GTF2F1: variants seen among roughly 807,000 people sequenced by gnomAD.
GTF2F1 encodes general transcription factor IIF 74 kDa subunit.
A neutral mutation model predicts 63.5 loss-of-function variants in GTF2F1; 39 were observed. The observed-to-expected ratio is 0.61, with a 90% CI of 0.48 to 0.80. The LOEUF (loss-of-function observed/expected upper bound fraction) is 0.80, where lower values mean the gene tolerates loss of function less well. Among genes scored for constraint, GTF2F1 ranks in the 30% least tolerant of loss-of-function variants. The pLI, the probability that GTF2F1 is intolerant of heterozygous loss-of-function variation, is 0.00. For synonymous variants in GTF2F1, 287 were observed against 285.3 expected (o/e 1.01, Z -0.06); for missense variants, 657 against 718.3 (o/e 0.91, Z 0.97).
At position 6,381,557 on chromosome 19, in the gene GTF2F1, TG is replaced by T. The variant is rs1435229288; in HGVS notation, c.894del (p.Lys299ArgfsTer116). 1 of 1,613,182 alleles carries T rather than the reference TG, an allele frequency of 6.2e-7. No individual in the cohort carries two copies. The highest frequency in any genetic ancestry group is 1.1e-5 in the South Asian group (1 of 91,088). ...GGCCCGCCCAGCCATCGCCTACCCT[TG>T]GGCCCCTCCTCCTGCTGCGGCGCCT... ...KAKAPQQEEG[P>X]KGVDEQSDSS... On this transcript the variant is annotated frameshift_variant, in exon 8 of 13. Coordinates refer to ENST00000394456, the MANE Select transcript of GTF2F1 (RefSeq NM_002096.3). LOFTEE classifies it high-confidence loss of function. The surrounding 1 kb of genome is among the most constrained non-coding windows in gnomAD (Gnocchi z 4.1).
chr19:6,385,852 G>A (rs149966441), intron 5 of GTF2F1, among the ~76,000 whole-genome samples: 1,662 of 152,246 alleles, frequency 0.011, 31 homozygotes, highest in African/African-American at 0.037. Flanking sequence ...TTGGGAGGCC[G>A]AGGCAGGCAG....
At position 6,380,832 on chromosome 19, in the gene GTF2F1, G is replaced by A. The variant is rs1340171101; in HGVS notation, c.1231+72C>T. The stretch of plus-strand genomic sequence containing the variant: ...CCACCCGCATCTCCATCCCCTCTCT[G>A]TCCTGAGCCCCAACAGAGGTCAGGA... On this transcript the variant is annotated intron_variant, in intron 11 of 12. Coordinates refer to ENST00000394456, the MANE Select transcript of GTF2F1 (RefSeq NM_002096.3). This position sits in a 1 kb window ranked among gnomAD's most constrained non-coding sequence, Gnocchi z 5.3. 6.0e-6 allele frequency: 9 copies of A among 1,506,678 alleles called. No individual in the cohort carries two copies. The highest frequency in any genetic ancestry group is 7.1e-6 in the Non-Finnish European group (8 of 1,126,200). The allele number at this position is 1,506,678 out of a possible 1,614,324, so 93.3% of individuals were successfully genotyped here.
At chr19:6,390,708 C>T (rs919021089) in intron 3 of GTF2F1, among the ~76,000 whole-genome samples, 2 of 150,964 alleles carry the variant, frequency 1.3e-5, no homozygotes, top group East Asian at 1.9e-4. Context: ...GGCGAAACTT[C>T]GTCTCTACTA....
chr19:6,390,320 G>A (rs769019080), intron 3 of GTF2F1: 2 of 152,282 alleles, frequency 1.3e-5, no homozygotes, highest in African/African-American at 2.4e-5. Context: ...GGCCAAGGCA[G>A]GTGGATCACG....
intron 3 of GTF2F1, among the ~76,000 whole-genome samples, chr19:6,390,953 A>C (rs1252429176): frequency 6.6e-6 from 1 of 152,188 alleles, no homozygotes; most frequent in Non-Finnish European, 1.5e-5. Flanking sequence ...AAATCTCTAC[A>C]AATTAACAAT....
At position 6,380,846 on chromosome 19, in the gene GTF2F1, C is replaced by G; in HGVS notation, c.1231+58G>C. 2 of 1,514,630 alleles carry G rather than the reference C, an allele frequency of 1.3e-6. No homozygotes were observed. Among genetic ancestry groups the G allele is most frequent in the Non-Finnish European group, 8.8e-7 (1 of 1,133,060 alleles). The allele number at this position is 1,514,630 out of a possible 1,614,324, so 93.8% of individuals were successfully genotyped here. ...ATCCCCTCTCTGTCCTGAGCCCCAA[C>G]AGAGGTCAGGAGGCTGTGGCTGTGG... On this transcript the variant is annotated intron_variant, in intron 11 of 12. Transcript: ENST00000394456. The surrounding 1 kb of genome is among the most constrained non-coding windows in gnomAD (Gnocchi z 5.3).
intron 2 of GTF2F1, chr19:6,392,297 G>A (rs555776070): frequency 3.9e-4 from 191 of 490,290 alleles, no homozygotes; most frequent in African/African-American, 3.3e-3. Context: ...ATCCTCTCCT[G>A]ACCCCAGGCA....
In GTF2F1 at chr19:6,380,204, G is replaced by T; in HGVS notation, c.*77C>A. 8.2e-7 allele frequency: 1 copy of T among 1,216,936 alleles called. No individual in the cohort carries two copies. Among genetic ancestry groups the T allele is most frequent in the Non-Finnish European group, 1.2e-6 (1 of 818,214 alleles). The allele number at this position is 1,216,936 out of a possible 1,614,324, so 75.4% of individuals were successfully genotyped here. On this transcript the variant is annotated 3_prime_UTR_variant, in exon 13 of 13. Transcript: ENST00000394456. This position sits in a 1 kb window ranked among gnomAD's most constrained non-coding sequence, Gnocchi z 5.3. ...GGAGGGCAGAGCCATGTATTGGACAGAGCCTCACTCTAGGATGGCGAAGGG... is the reference window on the plus strand; with the variant it reads ...GGAGGGCAGAGCCATGTATTGGACATAGCCTCACTCTAGGATGGCGAAGGG...
Position 6,381,870 on chromosome 19 carries a change from AGGAAAGGAG to A in GTF2F1, c.683-29_683-21del. 6.3e-7 allele frequency: 1 copy of A among 1,598,442 alleles called. No homozygotes were observed. The highest frequency in any genetic ancestry group is 8.5e-7 in the Non-Finnish European group (1 of 1,170,166). ...TGCCCCCTGGGAAGGGAGGAAAGGA[AGGAAAGGAG>A]GGAAAGTGAGGAGGAAGGCAGTGGG... On this transcript the variant is annotated intron_variant, in intron 6 of 12. Coordinates refer to ENST00000394456, the MANE Select transcript of GTF2F1 (RefSeq NM_002096.3). This position sits in a 1 kb window ranked among gnomAD's most constrained non-coding sequence, Gnocchi z 4.1.
At chr19:6,385,551 C>A (rs1191654369) in intron 5 of GTF2F1, among the ~76,000 whole-genome samples, 1 of 152,154 alleles carries the variant, frequency 6.6e-6, no homozygotes, top group South Asian at 2.1e-4. Flanking sequence ...GCCCCCCCAG[C>A]AATGATTGAT....
At chr19:6,387,606 GCCCCCC>G (rs746748912) in intron 4 of GTF2F1, 47 bp from the exon 5 acceptor site, 1 of 1,480,390 alleles carries the variant, frequency 6.8e-7, no homozygotes, top group Non-Finnish European at 9.4e-7. Flanking sequence ...ACCAGCCCCA[GCCCCCC>G]CGTGTCCCCC....
chr19:6,385,412 A>C (rs1258495387), intron 5 of GTF2F1, among the ~76,000 whole-genome samples: 2 of 151,288 alleles, frequency 1.3e-5, no homozygotes, highest in African/African-American at 4.9e-5. Flanking sequence ...AAAAAAAAAA[A>C]AAAAAAAAAA....
Position 6,383,593 on chromosome 19 carries a change from C to T in GTF2F1, c.498-98G>A. ...CCCAGGGCACCACCCACATAGCCTTCAAGGTGATGTGGCCCCCGGGGACTT... is the reference window on the plus strand; with the variant it reads ...CCCAGGGCACCACCCACATAGCCTTTAAGGTGATGTGGCCCCCGGGGACTT... On this transcript the variant is annotated intron_variant, in intron 5 of 12. Coordinates refer to ENST00000394456, the MANE Select transcript of GTF2F1 (RefSeq NM_002096.3). This position sits in a 1 kb window ranked among gnomAD's most constrained non-coding sequence, Gnocchi z 4.5. 3.8e-6 allele frequency: 5 copies of T among 1,301,144 alleles called. No homozygotes were observed. Among genetic ancestry groups the T allele is most frequent in the Admixed American group, 1.9e-5 (1 of 53,002 alleles). The allele number at this position is 1,301,144 out of a possible 1,614,324, so 80.6% of individuals were successfully genotyped here. A position where few individuals can be genotyped will look rare whatever the true frequency, so the allele number is the denominator to read the frequency against.
In GTF2F1 at chr19:6,393,117, A is replaced by AC. The variant is rs1285520929; in HGVS notation, c.-123dup. On this transcript the variant is annotated 5_prime_UTR_variant, in exon 1 of 13. Coordinates refer to ENST00000394456, the MANE Select transcript of GTF2F1 (RefSeq NM_002096.3). ...GTCGGGTCTCTGTGCCTGAGCGAGG[A>AC]CCCCAACCCTAGGCGCCTCTGGCGC... The AC allele has an allele frequency of 4.6e-6, 6 of 1,303,112 alleles. No individual in the cohort carries two copies. The African/African-American group carries it at 7.3e-5, about 16-fold the overall frequency. 80.7% of individuals were successfully genotyped at this position (1,303,112 alleles called of 1,614,324 possible).
rs887187367 is a variant in GTF2F1, at chr19:6,381,903, G to A, written c.683-53C>T. On this transcript the variant is annotated intron_variant, in intron 6 of 12. Transcript: ENST00000394456. This position sits in a 1 kb window ranked among gnomAD's most constrained non-coding sequence, Gnocchi z 4.1. ...AGGGAAAGTGAGGAGGAAGGCAGTG[G>A]GTATTTATTGTGTTTTTCACATTTT... 1 of 1,438,592 alleles carries A rather than the reference G, an allele frequency of 7.0e-7. No homozygotes were observed. The highest frequency in any genetic ancestry group is 9.6e-7 in the Non-Finnish European group (1 of 1,037,618). The allele number at this position is 1,438,592 out of a possible 1,614,324, so 89.1% of individuals were successfully genotyped here.
chr19:6,381,021 T>C lies in GTF2F1; in HGVS notation c.1114A>G (p.Arg372Gly). 1 of 1,611,978 alleles carries C rather than the reference T, an allele frequency of 6.2e-7. No homozygotes were observed. The highest frequency in any genetic ancestry group is 8.5e-7 in the Non-Finnish European group (1 of 1,179,234). ...CTCCCTCCCGACGGCTTCCGCTCTC[T>C]CTTGGGTGGCGTCTTCTTCTTCTGC... ...FMAKKKTPPKRERKPSGGSSR... is the reference protein window; with the variant it reads ...FMAKKKTPPKGERKPSGGSSR... Residue 372 changes from arginine (R) to glycine (G), a missense_variant, in exon 11 of 13, where the codon AGA (arginine) becomes GGA (glycine). Transcript: ENST00000394456. The surrounding 1 kb of genome is among the most constrained non-coding windows in gnomAD (Gnocchi z 4.1).
intron 6 of GTF2F1, among the ~76,000 whole-genome samples, chr19:6,382,566 G>C (rs1040843519): frequency 6.6e-6 from 1 of 150,476 alleles, no homozygotes; most frequent in African/African-American, 2.5e-5. Context: ...GGGAGGCAGA[G>C]GTTGCAGTGA....
chr19:6,381,707 C>G lies in GTF2F1; in HGVS notation c.826G>C (p.Asp276His). 6.2e-7 allele frequency: 1 copy of G among 1,614,226 alleles called. No individual in the cohort carries two copies. The highest frequency in any genetic ancestry group is 1.1e-5 in the South Asian group (1 of 91,090). The change falls in exon 7 of 13, where the codon GAC becomes CAC. Residue 276 changes from aspartate (D) to histidine (H), a missense_variant. By Grantham distance (81) the Asp-to-His change is moderately conservative. Coordinates refer to ENST00000394456, the MANE Select transcript of GTF2F1 (RefSeq NM_002096.3). The surrounding 1 kb of genome is among the most constrained non-coding windows in gnomAD (Gnocchi z 4.1). The part of the protein sequence containing the change: ...FEGQEVDYMS[D>H]GSSSSQEEPE... ...TCCCGTCGGCCTCACCTGGAGCCGT[C>G]TGACATGTAGTCCACCTCTTGGCCC...
chr19:6,389,013 G>A (rs748794745), intron 4 of GTF2F1, among the ~76,000 whole-genome samples: 1 of 151,932 alleles, frequency 6.6e-6, no homozygotes, highest in African/African-American at 2.4e-5. Context: ...AGGCCGAGGC[G>A]GGAGGATCGC....
Sources: gnomAD v4.1 joint callset for allele counts (sites outside exome capture counted in the v4.1 genomes callset) on GRCh38, gnomAD v4.1.1 for gene constraint, Gnocchi (gnomAD v3.1) non-coding constraint, MANE v1.5 for transcripts, NCBI Gene and HGNC (gene_info 2026-07-23, HGNC 2026-07-21) for gene names.